LIMS1: variants seen among roughly 807,000 people sequenced by gnomAD.
The protein encoded by LIMS1 is LIM and senescent cell antigen-like-containing domain protein 1.
In LIMS1, 18 loss-of-function variants were observed where a neutral mutation model predicts 44.1. The observed-to-expected ratio is 0.41, with a 90% confidence interval of 0.28 to 0.61. The LOEUF is 0.61. Ranked by LOEUF, LIMS1 falls within the 20% of genes least tolerant of loss-of-function variation. The pLI, the probability that LIMS1 is intolerant of heterozygous loss-of-function variation, is 0.32. For missense variants in LIMS1, 201 were observed against 422.0 expected, an observed-to-expected ratio of 0.48 and a Z score of 4.59; for synonymous variants, 93 against 149.1, an observed-to-expected ratio of 0.62 and a Z score of 2.74.
intron 7 of LIMS1, among the ~76,000 whole-genome samples, chr2:108,677,661 C>T (rs1692663854): frequency 6.6e-6 from 1 of 152,168 alleles, no homozygotes; most frequent in Non-Finnish European, 1.5e-5. Context: ...GTCCTCAGCG[C>T]TCTGCCTGAG....
At chr2:108,589,354 T>A (rs923361155) in intron 1 of LIMS1, among the ~76,000 whole-genome samples, 2 of 152,312 alleles carry the variant, frequency 1.3e-5, no homozygotes, top group South Asian at 4.1e-4. Context: ...ACACTTAAAA[T>A]CCTCTTGAGG....
chr2:108,625,579 C>CG (rs367621288), intron 1 of LIMS1, among the ~76,000 whole-genome samples: 11 of 148,604 alleles, frequency 7.4e-5, no homozygotes, highest in African/African-American at 2.7e-4. Context: ...AATATGAATC[C>CG]CCCCCCCCAA....
At chr2:108,536,889 C>CT (rs1360272366) in intron 1 of LIMS1, among the ~76,000 whole-genome samples, 12 of 151,908 alleles carry the variant, frequency 7.9e-5, no homozygotes, top group Non-Finnish European at 1.6e-4. Flanking sequence ...CTCAGCCTGT[C>CT]TAAGTTTTAT....
intron 3 of LIMS1, among the ~76,000 whole-genome samples, chr2:108,672,083 C>T (rs1692203115): frequency 1.3e-5 from 2 of 148,850 alleles, no homozygotes; most frequent in Non-Finnish European, 3.0e-5. Context: ...AGGAGAATCG[C>T]TTGAACCCGG....
At chr2:108,537,811 A>G (rs981992517) in intron 1 of LIMS1, among the ~76,000 whole-genome samples, 1 of 152,178 alleles carries the variant, frequency 6.6e-6, no homozygotes, top group Non-Finnish European at 1.5e-5. Flanking sequence ...TGTGAGTACA[A>G]CAAGTAGGCT....
intron 1 of LIMS1, among the ~76,000 whole-genome samples, chr2:108,552,153 G>A (rs1684766709): frequency 7.0e-6 from 1 of 143,384 alleles, no homozygotes; most frequent in African/African-American, 2.5e-5. Flanking sequence ...TATAATTATA[G>A]TTAAATATAT....
At chr2:108,564,399 G>A (rs531057497) in intron 1 of LIMS1, among the ~76,000 whole-genome samples, 4 of 152,190 alleles carry the variant, frequency 2.6e-5, no homozygotes, top group East Asian at 1.9e-4. Flanking sequence ...ATTGTGATAC[G>A]CACTCCATTG....
chr2:108,583,700 CTT>C (rs759827869), intron 1 of LIMS1, among the ~76,000 whole-genome samples: 11 of 129,818 alleles, frequency 8.5e-5, no homozygotes, highest in African/African-American at 1.4e-4. Flanking sequence ...GTTGCTGTTT[CTT>C]TTTTTTTTTT....
At chr2:108,583,934 T>C (rs1487551434) in intron 1 of LIMS1, among the ~76,000 whole-genome samples, 1 of 152,102 alleles carries the variant, frequency 6.6e-6, no homozygotes, top group Non-Finnish European at 1.5e-5. Context: ...CCTCAAGTGA[T>C]CTGACCGCCT....
At position 108,621,441 on chromosome 2, in the gene LIMS1, G is replaced by A. The variant is rs1162197596; in HGVS notation, c.33-38164G>A. 5.2e-6 allele frequency: 8 copies of A among 1,551,146 alleles called. No homozygotes were observed. The East Asian group carries it at 7.3e-5, about 14-fold the overall frequency. On this transcript the variant is annotated intron_variant, in intron 1 of 9. Coordinates refer to ENST00000544547, the Ensembl canonical transcript of LIMS1. ...GCCCCGATAGTTTGAGAGTAAATGG[G>A]TTACCAGAGGAAGAGCTAAGGTGAG... is the stretch of plus-strand genomic sequence containing the variant.
chr2:108,621,930 T>A (rs537811694), intron 1 of LIMS1, among the ~76,000 whole-genome samples: 1 of 152,122 alleles, frequency 6.6e-6, no homozygotes, highest in Non-Finnish European at 1.5e-5. Flanking sequence ...AACTATTCAA[T>A]GTAGCCTAGG....
chr2:108,552,365 T>C (rs896259848), intron 1 of LIMS1, among the ~76,000 whole-genome samples: 5 of 143,138 alleles, frequency 3.5e-5, no homozygotes, highest in African/African-American at 1.3e-4. Context: ...CTATATACTA[T>C]ACGTATAGTA....
chr2:108,583,775 A>G (rs1032479216), intron 1 of LIMS1, among the ~76,000 whole-genome samples: 10 of 139,296 alleles, frequency 7.2e-5, no homozygotes, highest in African/African-American at 2.1e-4. Context: ...GCTTACTGCA[A>G]CCTCTGCCTC....
At chr2:108,588,286 G>A in intron 1 of LIMS1, 12 of 974,146 alleles carry the variant, frequency 1.2e-5, no homozygotes, top group Non-Finnish European at 1.5e-5. Flanking sequence ...AAAAAACCCT[G>A]AACTTGGTTT....
chr2:108,614,983 C>T (rs916355951), intron 1 of LIMS1, among the ~76,000 whole-genome samples: 3 of 152,136 alleles, frequency 2.0e-5, no homozygotes, highest in African/African-American at 4.8e-5. Context: ...TTACATTTCT[C>T]CTCTCACACA....
intron 1 of LIMS1, among the ~76,000 whole-genome samples, chr2:108,632,009 TC>T (rs1478051656): frequency 6.6e-6 from 1 of 152,198 alleles, no homozygotes; most frequent in East Asian, 1.9e-4. Context: ...TTCCCTCTTG[TC>T]ACCCAGGCTG....
chr2:108,640,559 C>T (rs1689603252), intron 1 of LIMS1, among the ~76,000 whole-genome samples: 2 of 152,154 alleles, frequency 1.3e-5, no homozygotes, highest in Non-Finnish European at 2.9e-5. Flanking sequence ...CTCAGTACAC[C>T]TCTGCCTGGG....
At chr2:108,551,906 TA>T (rs1210905308) in intron 1 of LIMS1, among the ~76,000 whole-genome samples, 1 of 137,064 alleles carries the variant, frequency 7.3e-6, no homozygotes, top group African/African-American at 2.7e-5. Flanking sequence ...TGTATATATG[TA>T]TATGTGTGTA....
intron 1 of LIMS1, among the ~76,000 whole-genome samples, chr2:108,536,561 C>T (rs1256452391): frequency 1.3e-5 from 2 of 152,178 alleles, no homozygotes; most frequent in African/African-American, 2.4e-5. Context: ...AAAGCTACTA[C>T]GAACAAATAG....
Sources: allele counts gnomAD v4.1 joint callset (sites outside exome capture counted in the v4.1 genomes callset), GRCh38; gene constraint gnomAD v4.1.1; transcripts MANE v1.5; gene names NCBI Gene and HGNC (gene_info 2026-07-23, HGNC 2026-07-21).